Variants in AASS observed in about 807,000 individuals in gnomAD.
AASS encodes alpha-aminoadipic semialdehyde synthase, mitochondrial.
Under a neutral mutation model 105.4 loss-of-function variants are expected in AASS, and 86 were observed. That is an observed-to-expected ratio of 0.82 (90% CI 0.69 to 0.98). AASS has a LOEUF of 0.98. Ranked by LOEUF, AASS falls within the 50% of genes least tolerant of loss-of-function variation. The pLI is 0.00. For missense variants in AASS, 1,048 were observed against 1,143.2 expected, an observed-to-expected ratio of 0.92 and a Z score of 1.20; for synonymous variants, 381 against 394.8, an observed-to-expected ratio of 0.96 and a Z score of 0.41.
intron 23 of AASS, among the ~76,000 whole-genome samples, chr7:122,077,499 TG>T (rs1793077778): frequency 6.6e-6 from 1 of 152,168 alleles, no homozygotes; most frequent in African/African-American, 2.4e-5. Flanking sequence ...AGCAGCTTCA[TG>T]TATTATATCA....
chr7:122,133,656 G>A lies in AASS; in HGVS notation c.71C>T (p.Ala24Val), dbSNP rs767810117. The change falls in exon 2 of 24, where the codon GCT becomes GTT. Residue 24 changes from alanine to valine, a missense_variant. Physicochemically the swap from Ala to Val is moderately conservative, Grantham distance 64. Coordinates refer to ENST00000417368, the MANE Select transcript of AASS (RefSeq NM_005763.4). ...ATCCTCCCTCCGGACGGCCAACACA[G>A]CTTTGTGGTGAAGACCCTTGGAGAG... is the stretch of plus-strand genomic sequence containing the variant. ...VSLSKGLHHKAVLAVRREDVN... is the reference protein window; with the variant it reads ...VSLSKGLHHKVVLAVRREDVN... 10 of 1,614,052 alleles carry A rather than the reference G, an allele frequency of 6.2e-6. 1 individual carries two copies. The highest frequency in any genetic ancestry group is 2.2e-5 in the South Asian group (2 of 91,082).
At chr7:122,129,227 T>A in intron 3 of AASS, 134 bp downstream of exon 3, 1 of 584,514 alleles carries the variant, frequency 1.7e-6, no homozygotes, top group Non-Finnish European at 2.7e-6. Flanking sequence ...ATTCTTTCCA[T>A]TTCAGAATAT....
At chr7:122,090,528 T>C (rs577271024) in intron 18 of AASS, among the ~76,000 whole-genome samples, 2 of 152,248 alleles carry the variant, frequency 1.3e-5, no homozygotes, top group East Asian at 3.9e-4. Context: ...ACTCCTGAAA[T>C]ACATTTCGAT....
chr7:122,101,730 C>T (rs751930483), intron 11 of AASS, 50 bp from the exon 12 acceptor site: 4 of 1,352,348 alleles, frequency 3.0e-6, no homozygotes, highest in Admixed American at 1.7e-5. Context: ...GCAAAGAAGG[C>T]CTCTTGGTGT....
At chr7:122,118,273 A>G (rs377188584) in intron 6 of AASS, 34 bp downstream of exon 6, 1 of 1,612,150 alleles carries the variant, frequency 6.2e-7, no homozygotes. Flanking sequence ...AAAGTTTTGG[A>G]TTGTTTTACA....
At chr7:122,100,213 G>A (rs1300113599) in intron 13 of AASS, among the ~76,000 whole-genome samples, 1 of 151,882 alleles carries the variant, frequency 6.6e-6, no homozygotes, top group South Asian at 2.1e-4. Context: ...AAGTAAACCT[G>A]CTGCTTCATG....
intron 23 of AASS, among the ~76,000 whole-genome samples, chr7:122,077,325 A>T (rs1793069088): frequency 6.6e-6 from 1 of 152,342 alleles, no homozygotes; most frequent in Non-Finnish European, 1.5e-5. Context: ...TTTATTGAGT[A>T]CTAATAATAT....
chr7:122,085,226 T>A (rs1043135329), intron 19 of AASS, among the ~76,000 whole-genome samples: 3 of 152,178 alleles, frequency 2.0e-5, no homozygotes, highest in Non-Finnish European at 4.4e-5. Context: ...CATCTTGATT[T>A]CAGACTTCTG....
chr7:122,095,544 A>G (rs1794110525), intron 15 of AASS, among the ~76,000 whole-genome samples: 1 of 151,550 alleles, frequency 6.6e-6, no homozygotes, highest in African/African-American at 2.4e-5. Context: ...TGTACTTGTC[A>G]AATTCATTCT....
chr7:122,085,898 T>C (rs900471981), intron 19 of AASS, 114 bp downstream of exon 19: 18 of 1,153,580 alleles, frequency 1.6e-5, no homozygotes, highest in African/African-American at 4.6e-5. Flanking sequence ...CCTGAAAAAA[T>C]AGACTCCAAC....
intron 11 of AASS, among the ~76,000 whole-genome samples, chr7:122,108,825 A>G (rs1396857728): frequency 6.6e-6 from 1 of 152,040 alleles, no homozygotes; most frequent in East Asian, 1.9e-4. Flanking sequence ...TAGGCAAAAA[A>G]AAAGAAAACA....
chr7:122,144,055 C>G (rs1382283557), intron 1 of AASS, 106 bp downstream of exon 1: 1 of 152,198 alleles, frequency 6.6e-6, no homozygotes, highest in African/African-American at 2.4e-5. Flanking sequence ...TCGCGGGCCC[C>G]TCCCAGCGAC....
At chr7:122,120,852 A>C (rs1360201042) in intron 4 of AASS, among the ~76,000 whole-genome samples, 1 of 152,014 alleles carries the variant, frequency 6.6e-6, no homozygotes, top group Admixed American at 6.6e-5. Flanking sequence ...ATATTTGGAA[A>C]ATTTCCAAAT....
chr7:122,107,323 G>C (rs1362403296), intron 11 of AASS, among the ~76,000 whole-genome samples: 2 of 152,172 alleles, frequency 1.3e-5, no homozygotes, highest in Non-Finnish European at 2.9e-5. Flanking sequence ...GTGGAAAGCA[G>C]TGTGGCAATT....
chr7:122,094,206 T>C (rs2150517981), intron 15 of AASS, among the ~76,000 whole-genome samples: 1 of 152,208 alleles, frequency 6.6e-6, no homozygotes, highest in African/African-American at 2.4e-5. Flanking sequence ...CAATATACCT[T>C]TGTAATAAAT....
intron 15 of AASS, among the ~76,000 whole-genome samples, chr7:122,097,936 A>G (rs550413994): frequency 6.6e-6 from 1 of 152,134 alleles, no homozygotes; most frequent in South Asian, 2.1e-4. Context: ...TCCAGAAACA[A>G]CCTAAATATC....
chr7:122,124,285 T>G (rs1291594140), intron 4 of AASS, among the ~76,000 whole-genome samples: 3 of 152,036 alleles, frequency 2.0e-5, no homozygotes, highest in South Asian at 2.1e-4. Context: ...TTTGTGTGTT[T>G]GTTTGTTTGT....
At chr7:122,108,769 G>T (rs1368942230) in intron 11 of AASS, among the ~76,000 whole-genome samples, 2 of 151,786 alleles carry the variant, frequency 1.3e-5, no homozygotes, top group Non-Finnish European at 2.9e-5. Flanking sequence ...AACAAGAAAA[G>T]GATGCTACTA....
rs1292349715 is a variant in AASS, at chr7:122,126,519, G to A, written c.388-60C>T. ...ATTAAGCTTAATTTTAACAAGTAAA[G>A]ACATATATGAGCAAGTAAATATTTC... On this transcript the variant is annotated intron_variant, in intron 3 of 23. Transcript: ENST00000417368. 7 of 1,326,302 alleles carry A rather than the reference G, an allele frequency of 5.3e-6. 1 individual carries two copies. In the Middle Eastern group the frequency reaches 9.1e-4, roughly 172 times the overall value. 82.2% of individuals were successfully genotyped at this position (1,326,302 alleles called of 1,614,324 possible). A position where few individuals can be genotyped will look rare whatever the true frequency, so the allele number is the denominator to read the frequency against.
Sources: gnomAD v4.1 joint callset for allele counts (sites outside exome capture counted in the v4.1 genomes callset) on GRCh38, gnomAD v4.1.1 for gene constraint, MANE v1.5 for transcripts, NCBI Gene and HGNC (gene_info 2026-07-23, HGNC 2026-07-21) for gene names.